The following ARID1B variants were observed in gnomAD, a reference collection of about 807,000 sequenced individuals.
ARID1B encodes AT-rich interaction domain 1B.
A neutral mutation model predicts 212.3 loss-of-function variants in ARID1B; 30 were observed. The observed-to-expected ratio is 0.14, with a 90% CI of 0.11 to 0.19. The LOEUF is 0.19. Among genes scored for constraint, ARID1B ranks in the 10% least tolerant of loss-of-function variants. The pLI, the probability that ARID1B is intolerant of heterozygous loss-of-function variation, is 1.00. For synonymous variants in ARID1B, 1,402 were observed against 1,301.7 expected, an observed-to-expected ratio of 1.08 and a Z score of -1.66; for missense variants, 2,891 against 3,204.0, an observed-to-expected ratio of 0.90 and a Z score of 2.36.
rs1554247039 is a variant in ARID1B, at chr6:156,777,857, G to GGGCGGCGGCGACGGC, written c.187_201dup (p.Asp63_Gly67dup). The GGGCGGCGGCGACGGC allele has an allele frequency of 7.5e-7, 1 of 1,337,364 alleles. No individual in the cohort carries two copies. The highest frequency in any genetic ancestry group is 9.5e-7 in the Non-Finnish European group (1 of 1,050,400). The allele number at this position is 1,337,364 out of a possible 1,614,324, so 82.8% of individuals were successfully genotyped here. A position where few individuals can be genotyped will look rare whatever the true frequency, so the allele number is the denominator to read the frequency against. On this transcript the variant is annotated inframe_insertion, in exon 1 of 20. Transcript: ENST00000636930. ...CGGCGGCACCGGGACCCATGCTGGG[G>GGGCGGCGGCGACGGC]GGCGGCGGCGACGGCGGCGGCGGCC...
chr6:156,830,081 C>T (rs988534910), intron 2 of ARID1B, among the ~76,000 whole-genome samples: 6 of 152,050 alleles, frequency 3.9e-5, no homozygotes, highest in Non-Finnish European at 8.8e-5. Context: ...CTTAGATGAC[C>T]ATTTACCCTC....
chr6:157,206,740 G>A lies in ARID1B; in HGVS notation c.5968G>A (p.Glu1990Lys), dbSNP rs1358257056. The A allele has an allele frequency of 2.5e-6, 4 of 1,613,118 alleles. No individual in the cohort carries two copies. Among genetic ancestry groups the A allele is most frequent in the Non-Finnish European group, 3.4e-6 (4 of 1,180,016 alleles). Residue 1990 changes from glutamate (E) to lysine (K), a missense_variant, in exon 20 of 20, where the codon GAG becomes AAG. Physicochemically the swap from Glu to Lys is moderately conservative, Grantham distance 56. Coordinates refer to ENST00000636930, the MANE Select transcript of ARID1B (RefSeq NM_001374828.1). This position sits in a 1 kb window ranked among gnomAD's most constrained non-coding sequence, Gnocchi z 6.8. The stretch of plus-strand genomic sequence containing the variant: ...GCAAGAAGGCAAAGGCGACTCTGAA[G>A]AGCAGCAAGAGAAAAGCATCATAGC... ...KEQEGKGDSE[E>K]QQEKSIIATI...
chr6:156,900,942 A>G (rs1304789274), intron 2 of ARID1B, among the ~76,000 whole-genome samples: 1 of 152,230 alleles, frequency 6.6e-6, no homozygotes, highest in African/African-American at 2.4e-5. Flanking sequence ...CTTAGAAACA[A>G]ACATACACAA....
At chr6:157,057,700 G>A (rs569802712) in intron 4 of ARID1B, among the ~76,000 whole-genome samples, 9 of 152,216 alleles carry the variant, frequency 5.9e-5, no homozygotes, top group African/African-American at 2.2e-4. Context: ...CCTTTAGGTG[G>A]GGGAATTCCA....
intron 1 of ARID1B, among the ~76,000 whole-genome samples, chr6:156,816,531 A>G (rs1472340211): frequency 1.3e-5 from 2 of 152,228 alleles, no homozygotes; most frequent in Non-Finnish European, 2.9e-5. Flanking sequence ...GAGATAAACA[A>G]TGAGTTGCAG....
chr6:156,997,554 G>T (rs1158456438), intron 4 of ARID1B, among the ~76,000 whole-genome samples: 1 of 151,898 alleles, frequency 6.6e-6, no homozygotes, highest in African/African-American at 2.4e-5. Context: ...TGGTAGGCAT[G>T]TTTATCCTCT....
chr6:157,095,587 A>T (rs940605039), intron 5 of ARID1B, among the ~76,000 whole-genome samples: 1 of 152,240 alleles, frequency 6.6e-6, no homozygotes, highest in African/African-American at 2.4e-5. Context: ...AGGAGCACAT[A>T]CATTTCTCAC....
intron 1 of ARID1B, among the ~76,000 whole-genome samples, chr6:156,804,094 GGGA>G (rs1386955590): frequency 6.6e-5 from 10 of 152,238 alleles, no homozygotes; most frequent in African/African-American, 2.2e-4. Context: ...CCAGCACTTT[GGGA>G]GGCTGAGACT....
intron 5 of ARID1B, among the ~76,000 whole-genome samples, chr6:157,089,766 G>T (rs544975491): frequency 5.2e-4 from 79 of 152,274 alleles, no homozygotes; most frequent in African/African-American, 1.9e-3. Flanking sequence ...GTAATTGGCA[G>T]TGTGTATTCA....
intron 2 of ARID1B, among the ~76,000 whole-genome samples, chr6:156,842,288 C>G (rs1193750824): frequency 1.3e-5 from 2 of 152,182 alleles, no homozygotes; most frequent in Admixed American, 6.5e-5. Context: ...TCCCTCTTCC[C>G]CCCAGGCAAC....
intron 1 of ARID1B, among the ~76,000 whole-genome samples, chr6:156,813,108 ATT>A (rs71027315): frequency 0.11 from 11,475 of 105,370 alleles, 739 homozygotes; most frequent in East Asian, 0.33. Context: ...ATATATATAT[ATT>A]TTTTTTTTTT....
rs374680141 is a variant in ARID1B at position 157,206,365 on chromosome 6, G to A, written c.5593G>A (p.Glu1865Lys). ...EEDAECIDDD[E>K]EDEEDEEEDS... ...AGATGCTGAATGTATTGATGACGACGAGGAAGACGAGGAGGATGAGGAGGA... is the reference window on the plus strand; with the variant it reads ...AGATGCTGAATGTATTGATGACGACAAGGAAGACGAGGAGGATGAGGAGGA... Residue 1865 changes from glutamate (E) to lysine (K), a missense_variant, in exon 20 of 20, where the codon GAG becomes AAG. Coordinates refer to ENST00000636930, the MANE Select transcript of ARID1B (RefSeq NM_001374828.1). This position sits in a 1 kb window ranked among gnomAD's most constrained non-coding sequence, Gnocchi z 6.8. 34 of 1,614,158 alleles carry A rather than the reference G, an allele frequency of 2.1e-5. No individual in the cohort carries two copies. The highest frequency in any genetic ancestry group is 2.5e-5 in the Non-Finnish European group (29 of 1,180,026).
chr6:157,018,903 G>C (rs186218204), intron 4 of ARID1B, among the ~76,000 whole-genome samples: 1 of 152,012 alleles, frequency 6.6e-6, no homozygotes, highest in Non-Finnish European at 1.5e-5. Context: ...GGGGGTCAGG[G>C]AAGACTTGGA....
chr6:156,901,713 A>T, intron 3 of ARID1B, 188 bp downstream of exon 3: 1 of 764,200 alleles, frequency 1.3e-6, no homozygotes, highest in Non-Finnish European at 2.0e-6. Context: ...TTGAGATTGG[A>T]GGGTGAGAAG....
chr6:157,077,731 C>G (rs1244075107), intron 4 of ARID1B, among the ~76,000 whole-genome samples: 1 of 152,154 alleles, frequency 6.6e-6, no homozygotes, highest in East Asian at 1.9e-4. Flanking sequence ...TGGTTTGTCT[C>G]TCTTCATTGA....
At chr6:156,996,823 T>G (rs1411799134) in intron 4 of ARID1B, among the ~76,000 whole-genome samples, 1 of 152,244 alleles carries the variant, frequency 6.6e-6, no homozygotes, top group Non-Finnish European at 1.5e-5. Flanking sequence ...CAAATTAAAA[T>G]CAGCAGCCTG....
chr6:157,044,941 C>T (rs1782130761), intron 4 of ARID1B, among the ~76,000 whole-genome samples: 1 of 152,084 alleles, frequency 6.6e-6, no homozygotes, highest in South Asian at 2.1e-4. Flanking sequence ...ATGTAGATGA[C>T]ACAGACAGTT....
At chr6:156,856,611 TG>T in intron 2 of ARID1B, among the ~76,000 whole-genome samples, 1 of 152,210 alleles carries the variant, frequency 6.6e-6, no homozygotes, top group East Asian at 1.9e-4. Context: ...TGTATCCACA[TG>T]TGTGTGTCTG....
intron 4 of ARID1B, among the ~76,000 whole-genome samples, chr6:156,947,117 C>T (rs1793211388): frequency 6.6e-6 from 1 of 152,152 alleles, no homozygotes; most frequent in Non-Finnish European, 1.5e-5. Flanking sequence ...AGGGCAAGAG[C>T]ACAGTCCCAA....
Sources: gnomAD v4.1 joint callset for allele counts (sites outside exome capture counted in the v4.1 genomes callset) on GRCh38, gnomAD v4.1.1 for gene constraint, Gnocchi (gnomAD v3.1) non-coding constraint, MANE v1.5 for transcripts, NCBI Gene and HGNC (gene_info 2026-07-23, HGNC 2026-07-21) for gene names.